TEC: variants seen among roughly 807,000 people sequenced by gnomAD.
TEC encodes the protein tec protein tyrosine kinase.
TEC carries 72 observed loss-of-function variants against 93.0 expected under a neutral mutation model. The ratio of observed to expected loss-of-function variants is 0.77; its 90% CI spans 0.64 to 0.94. The LOEUF (loss-of-function observed/expected upper bound fraction) is 0.94. TEC is among the 40% of genes least tolerant of loss of function. TEC has a pLI of 0.00. For synonymous variants in TEC, 249 were observed against 247.7 expected, an observed-to-expected ratio of 1.01 and a Z score of -0.05; for missense variants, 630 against 757.9, an observed-to-expected ratio of 0.83 and a Z score of 1.98.
chr4:48,159,083 GAAA>G (rs35956463), intron 8 of TEC, among the ~76,000 whole-genome samples: 1 of 114,498 alleles, frequency 8.7e-6, no homozygotes, highest in Non-Finnish European at 2.0e-5. Flanking sequence ...CTCCAGGCAA[GAAA>G]AAAAAAAAAA....
chr4:48,147,829 C>T (rs917020341), intron 11 of TEC, among the ~76,000 whole-genome samples: 15 of 152,130 alleles, frequency 9.9e-5, no homozygotes, highest in African/African-American at 3.4e-4. Flanking sequence ...AGTTATTGTG[C>T]AATTACTATG....
chr4:48,182,707 G>C (rs928857134), intron 2 of TEC, among the ~76,000 whole-genome samples: 4 of 152,098 alleles, frequency 2.6e-5, no homozygotes, highest in Admixed American at 1.3e-4. Flanking sequence ...CAACTGAATG[G>C]CAGAACTCGG....
intron 15 of TEC, 52 bp downstream of exon 15, chr4:48,141,303 T>C: frequency 1.3e-6 from 2 of 1,510,770 alleles, no homozygotes; most frequent in Non-Finnish European, 1.8e-6. Context: ...CACTTATTAA[T>C]TCCACCAAAA....
chr4:48,259,414 A>G (rs973380188), intron 1 of TEC, among the ~76,000 whole-genome samples: 5 of 152,116 alleles, frequency 3.3e-5, no homozygotes, highest in Admixed American at 3.3e-4. Flanking sequence ...AGACCATGAT[A>G]TCTAGAAAGA....
chr4:48,160,223 G>T (rs1052410069), intron 8 of TEC, among the ~76,000 whole-genome samples: 1 of 152,166 alleles, frequency 6.6e-6, no homozygotes, highest in African/African-American at 2.4e-5. Context: ...CAAAGGTCTG[G>T]TCTCAAAGCC....
At chr4:48,139,891 T>C (rs1288433820) in intron 15 of TEC, among the ~76,000 whole-genome samples, 1 of 152,248 alleles carries the variant, frequency 6.6e-6, no homozygotes, top group Non-Finnish European at 1.5e-5. Flanking sequence ...CAAAGCCAGC[T>C]GCTGGCTGGC....
At chr4:48,225,625 G>A (rs2704424) in intron 2 of TEC, among the ~76,000 whole-genome samples, 1 of 152,012 alleles carries the variant, frequency 6.6e-6, no homozygotes, top group African/African-American at 2.4e-5. Flanking sequence ...AGAAGCCAGG[G>A]AGAGCTGTTG....
At chr4:48,236,819 C>A (rs1417247794) in intron 1 of TEC, among the ~76,000 whole-genome samples, 1 of 152,212 alleles carries the variant, frequency 6.6e-6, no homozygotes, top group Non-Finnish European at 1.5e-5. Flanking sequence ...CGTTGCAAAT[C>A]TGAATATCTG....
At chr4:48,251,424 T>C (rs1405240506) in intron 1 of TEC, among the ~76,000 whole-genome samples, 1 of 152,224 alleles carries the variant, frequency 6.6e-6, no homozygotes, top group Non-Finnish European at 1.5e-5. Flanking sequence ...GACTACCCAG[T>C]CTAAAGTAGA....
intron 2 of TEC, among the ~76,000 whole-genome samples, chr4:48,206,742 A>G (rs1181893112): frequency 1.3e-5 from 2 of 149,804 alleles, no homozygotes; most frequent in Admixed American, 1.3e-4. Flanking sequence ...GTAGTTCAAG[A>G]CCAGCCTGGG....
intron 14 of TEC, among the ~76,000 whole-genome samples, chr4:48,144,649 T>G (rs1305798584): frequency 6.6e-6 from 1 of 152,238 alleles, no homozygotes; most frequent in Non-Finnish European, 1.5e-5. Context: ...AGGATTTCTC[T>G]TATAGTTTCT....
rs34988086 is a variant in TEC, at chr4:48,246,467, GAAAA to G, written c.-45-17812_-45-17809del. Among the ~76,000 whole-genome samples, 9 of 133,404 alleles carry G rather than the reference GAAAA, an allele frequency of 6.7e-5. No homozygotes were observed. In the East Asian group the frequency reaches 1.9e-3, roughly 28 times the overall value. 87.5% of individuals were successfully genotyped at this position (133,404 alleles called of 152,430 possible). A position where few individuals can be genotyped will look rare whatever the true frequency, so the allele number is the denominator to read the frequency against. On this transcript the variant is annotated intron_variant, in intron 1 of 17. Transcript: ENST00000381501. ...TAAAATTAATAGACAAAACTATCTT[GAAAA>G]AAAAAAAAGAACAAAATTGGAGGAC...
chr4:48,143,097 G>A (rs143539311), intron 14 of TEC, among the ~76,000 whole-genome samples: 3 of 152,150 alleles, frequency 2.0e-5, no homozygotes, highest in Admixed American at 6.5e-5. Flanking sequence ...TTCTTGCTGA[G>A]TGCATTTTAA....
intron 11 of TEC, 144 bp downstream of exon 11, chr4:48,149,413 T>C: frequency 1.2e-6 from 1 of 803,448 alleles, no homozygotes; most frequent in Non-Finnish European, 1.8e-6. Context: ...GTATATATCA[T>C]TCCTTTAATA....
At chr4:48,167,395 C>T (rs3805180) in intron 7 of TEC, among the ~76,000 whole-genome samples, 16,847 of 151,870 alleles carry the variant, frequency 0.11, 1,190 homozygotes, top group East Asian at 0.33. Flanking sequence ...CACGCACATA[C>T]ACATACGTAT....
intron 2 of TEC, among the ~76,000 whole-genome samples, chr4:48,193,323 A>T (rs1322927633): frequency 6.6e-6 from 1 of 151,744 alleles, no homozygotes; most frequent in Non-Finnish European, 1.5e-5. Flanking sequence ...CATATTTTTT[A>T]TCTTCTATCT....
At chr4:48,202,300 C>T (rs539562654) in intron 2 of TEC, among the ~76,000 whole-genome samples, 1 of 152,212 alleles carries the variant, frequency 6.6e-6, no homozygotes, top group South Asian at 2.1e-4. Context: ...GTGCAGTGGC[C>T]CATGCCTGTA....
intron 1 of TEC, among the ~76,000 whole-genome samples, chr4:48,236,164 G>A (rs1328721963): frequency 6.6e-6 from 1 of 152,162 alleles, no homozygotes; most frequent in Non-Finnish European, 1.5e-5. Flanking sequence ...GAAGGGAGAT[G>A]TCCCCTCTGA....
intron 4 of TEC, among the ~76,000 whole-genome samples, 176 bp from the exon 5 acceptor site, chr4:48,170,552 T>G (rs1267439114): frequency 1.3e-5 from 2 of 152,222 alleles, no homozygotes; most frequent in Non-Finnish European, 2.9e-5. Flanking sequence ...TGACCTCTTC[T>G]TTTTTTGTGT....
Sources: allele counts gnomAD v4.1 joint callset (sites outside exome capture counted in the v4.1 genomes callset), GRCh38; gene constraint gnomAD v4.1.1; transcripts MANE v1.5; gene names NCBI Gene and HGNC (gene_info 2026-07-23, HGNC 2026-07-21).